Variants in PCDHA8 observed in about 807,000 individuals in gnomAD.
PCDHA8 encodes the protein protocadherin alpha 8.
PCDHA8 carries 53 observed loss-of-function variants against 61.8 expected under a neutral mutation model. The observed-to-expected ratio is 0.86, with a 90% CI of 0.69 to 1.08. The LOEUF (loss-of-function observed/expected upper bound fraction) is 1.08. Among genes scored for constraint, PCDHA8 ranks in the 50% least tolerant of loss-of-function variants. The probability of loss-of-function intolerance (pLI) is 0.00; values close to 1 mark genes in which losing one functional copy is unlikely to be tolerated. For synonymous variants in PCDHA8, 618 were observed against 556.6 expected, an observed-to-expected ratio of 1.11 and a Z score of -1.55; for missense variants, 1,293 against 1,245.0, an observed-to-expected ratio of 1.04 and a Z score of -0.58.
chr5:140,849,557 G>A (rs2150440607), intron 1 of PCDHA8: 1 of 1,598,482 alleles, frequency 6.3e-7, no homozygotes. Flanking sequence ...CTATCAAAAC[G>A]CTCTCGGTTC....
At chr5:140,950,549 G>A (rs1023288540) in intron 1 of PCDHA8, among the ~76,000 whole-genome samples, 1 of 151,948 alleles carries the variant, frequency 6.6e-6, no homozygotes, top group African/African-American at 2.4e-5. Context: ...TGCATGGCTG[G>A]GGGGACACTT....
chr5:140,904,747 A>T (rs1462923024), intron 1 of PCDHA8, among the ~76,000 whole-genome samples: 1 of 151,918 alleles, frequency 6.6e-6, no homozygotes, highest in Non-Finnish European at 1.5e-5. Context: ...TATTATGACC[A>T]TTTTTGCAAG....
chr5:140,852,099 AT>A, intron 1 of PCDHA8: 1 of 909,604 alleles, frequency 1.1e-6, no homozygotes, highest in Non-Finnish European at 1.3e-6. Flanking sequence ...TGTGTCAGAT[AT>A]TTTACAAGGT....
At chr5:140,987,124 G>T (rs2097230182) in intron 3 of PCDHA8, among the ~76,000 whole-genome samples, 1 of 151,678 alleles carries the variant, frequency 6.6e-6, no homozygotes, top group Non-Finnish European at 1.5e-5. Flanking sequence ...TGAGGCAGGA[G>T]AATTGCTTGA....
At chr5:140,859,579 G>A in intron 1 of PCDHA8, 1 of 171,440 alleles carries the variant, frequency 5.8e-6, no homozygotes, top group Non-Finnish European at 1.2e-5. Flanking sequence ...TTGTCATCTT[G>A]CCTATGGCTC....
chr5:140,996,136 C>A (rs1484642740), intron 3 of PCDHA8, among the ~76,000 whole-genome samples: 1 of 152,104 alleles, frequency 6.6e-6, no homozygotes, highest in African/African-American at 2.4e-5. Context: ...GAGGGTTCTC[C>A]CATTATCTTG....
chr5:140,987,474 G>A (rs114440148), intron 3 of PCDHA8, among the ~76,000 whole-genome samples: 307 of 152,240 alleles, frequency 2.0e-3, no homozygotes, highest in African/African-American at 7.1e-3. Context: ...CTCAAGCTTG[G>A]GAGTCAGTGA....
At chr5:140,983,767 A>C (rs550605597) in intron 3 of PCDHA8, among the ~76,000 whole-genome samples, 23 of 152,326 alleles carry the variant, frequency 1.5e-4, no homozygotes, top group African/African-American at 5.3e-4. Context: ...TCAAATACAT[A>C]TCTACATACA....
intron 1 of PCDHA8, chr5:140,852,739 A>G: frequency 2.0e-6 from 2 of 984,418 alleles, no homozygotes. Flanking sequence ...TTCATGTGCC[A>G]TTTAAACTTG....
chr5:140,882,347 G>A (rs1554173687), intron 1 of PCDHA8: 3 of 1,614,198 alleles, frequency 1.9e-6, no homozygotes, highest in South Asian at 2.2e-5. Context: ...CTGGGAGACG[G>A]GTAGTGGCCA....
chr5:140,857,944 G>C, intron 1 of PCDHA8: 1 of 1,597,474 alleles, frequency 6.3e-7, no homozygotes, highest in South Asian at 1.1e-5. Flanking sequence ...AGATCAGTAC[G>C]ACGCGCGCTC....
At chr5:140,975,511 A>T (rs1236558069) in intron 1 of PCDHA8, among the ~76,000 whole-genome samples, 2 of 152,212 alleles carry the variant, frequency 1.3e-5, no homozygotes, top group African/African-American at 4.8e-5. Flanking sequence ...CACTATGCAA[A>T]ATCTGCAGTG....
chr5:140,997,668 T>TTGTGTGTGTGTGTGTG (rs35184029), intron 3 of PCDHA8, among the ~76,000 whole-genome samples: 13 of 148,244 alleles, frequency 8.8e-5, no homozygotes, highest in African/African-American at 2.2e-4. Flanking sequence ...ATTATACAGC[T>TTGTGTGTGTGTGTGTG]TGTGTGTGTG....
Position 141,010,263 on chromosome 5 carries a change from C to T in PCDHA8, c.*326C>T, listed in dbSNP as rs782479376. On this transcript the variant is annotated 3_prime_UTR_variant, in exon 4 of 4. Transcript: ENST00000531613. Reference sequence around the variant, plus strand: ...AGGTTGGACTCTCTGCCCTGTGCTCCGGGGATCCTGTCTTGATGACACTTG... The same window carrying T: ...AGGTTGGACTCTCTGCCCTGTGCTCTGGGGATCCTGTCTTGATGACACTTG... The T allele has an allele frequency of 8.4e-6, 13 of 1,551,608 alleles. No homozygotes were observed. Among genetic ancestry groups the T allele is most frequent in the African/African-American group, 5.5e-5 (4 of 73,018 alleles).
intron 1 of PCDHA8, among the ~76,000 whole-genome samples, chr5:140,956,940 T>G (rs1446313251): frequency 6.7e-6 from 1 of 150,168 alleles, no homozygotes; most frequent in Non-Finnish European, 1.5e-5. Flanking sequence ...AGGATAAAAT[T>G]TACATTAAAA....
chr5:140,934,995 T>G (rs1443676222), intron 1 of PCDHA8, among the ~76,000 whole-genome samples: 1 of 152,172 alleles, frequency 6.6e-6, no homozygotes, highest in East Asian at 1.9e-4. Context: ...ACACCCTGAA[T>G]CCTTTTCATG....
chr5:140,883,557 G>T, intron 1 of PCDHA8: 1 of 1,614,214 alleles, frequency 6.2e-7, no homozygotes, highest in South Asian at 1.1e-5. Flanking sequence ...GCGCGGGACG[G>T]GGGCTCGCCT....
chr5:140,991,253 C>T (rs912017745), intron 3 of PCDHA8, among the ~76,000 whole-genome samples: 1 of 152,178 alleles, frequency 6.6e-6, no homozygotes, highest in East Asian at 1.9e-4. Context: ...AGTATTTGAA[C>T]TCATGTCTGC....
chr5:141,002,090 A>G (rs1554258504), intron 3 of PCDHA8, among the ~76,000 whole-genome samples: 1 of 152,254 alleles, frequency 6.6e-6, no homozygotes, highest in Non-Finnish European at 1.5e-5. Context: ...CGAGCAGTCC[A>G]GGGGCTGGGC....
Sources: allele counts gnomAD v4.1 joint callset (sites outside exome capture counted in the v4.1 genomes callset), GRCh38; gene constraint gnomAD v4.1.1; transcripts MANE v1.5; gene names NCBI Gene and HGNC (gene_info 2026-07-23, HGNC 2026-07-21).